Variants in AFF3 observed in about 807,000 individuals in gnomAD.
AFF3 encodes ALF transcription elongation factor 3.
Under a neutral mutation model 129.7 loss-of-function variants are expected in AFF3, and 32 were observed. The ratio of observed to expected loss-of-function variants is 0.25; its 90% confidence interval spans 0.19 to 0.33. The LOEUF (loss-of-function observed/expected upper bound fraction) is 0.33. AFF3 is among the 10% of genes least tolerant of loss of function. The pLI is 1.00. For missense variants in AFF3, 1,373 were observed against 1,592.0 expected, an observed-to-expected ratio of 0.86 and a Z score of 2.34; for synonymous variants, 644 against 635.4, an observed-to-expected ratio of 1.01 and a Z score of -0.20.
chr2:99,804,551 G>C (rs1247859257), intron 8 of AFF3, among the ~76,000 whole-genome samples: 1 of 152,182 alleles, frequency 6.6e-6, no homozygotes, highest in South Asian at 2.1e-4. Context: ...ACTAAAAGTA[G>C]ATCAACTGTT....
At chr2:99,553,868 A>C (rs1410016145) in intron 24 of AFF3, among the ~76,000 whole-genome samples, 1 of 140,778 alleles carries the variant, frequency 7.1e-6, no homozygotes, top group Non-Finnish European at 1.5e-5. Context: ...GAGCCGAGAT[A>C]GTGCCCATTG....
intron 8 of AFF3, among the ~76,000 whole-genome samples, chr2:99,777,947 CAAAA>C (rs576434643): frequency 3.1e-4 from 15 of 48,338 alleles, no homozygotes; most frequent in Admixed American, 5.9e-4. Context: ...AAAGCAAAAG[CAAAA>C]AAAAAAAAAA....
intron 8 of AFF3, among the ~76,000 whole-genome samples, chr2:99,766,332 TTATG>T (rs1398550712): frequency 6.6e-6 from 1 of 152,238 alleles, no homozygotes; most frequent in African/African-American, 2.4e-5. Context: ...TCTACTAACT[TTATG>T]CAAGTATTTT....
chr2:99,989,088 G>A (rs1680118712), intron 7 of AFF3, among the ~76,000 whole-genome samples: 1 of 152,172 alleles, frequency 6.6e-6, no homozygotes, highest in African/African-American at 2.4e-5. Flanking sequence ...GGAGCCAGGT[G>A]GAAGACTCTC....
At chr2:99,886,343 G>A (rs1576277885) in intron 7 of AFF3, among the ~76,000 whole-genome samples, 1 of 152,184 alleles carries the variant, frequency 6.6e-6, no homozygotes, top group Admixed American at 6.5e-5. Context: ...AAATGGACTG[G>A]CCTTAGCCTG....
At chr2:99,922,952 C>T (rs1180544428) in intron 7 of AFF3, among the ~76,000 whole-genome samples, 2 of 152,146 alleles carry the variant, frequency 1.3e-5, no homozygotes, top group South Asian at 2.1e-4. Context: ...GCTTCTCGAA[C>T]GTAGTATACT....
Position 99,860,030 on chromosome 2 carries a change from T to C in AFF3, c.874-22506A>G, listed in dbSNP as rs892702071. ...AAATGTGATACTTGGGTTAGTCAGG[T>C]ATTTTCCATATAGAAACCACACTCT... On this transcript the variant is annotated intron_variant, in intron 7 of 24. Coordinates refer to ENST00000672756, the MANE Select transcript of AFF3 (RefSeq NM_001386135.1). Among the ~76,000 whole-genome samples, 3 of 152,370 alleles carry C rather than the reference T, an allele frequency of 2.0e-5. No homozygotes were observed. The East Asian group carries it at 5.8e-4, about 29-fold the overall frequency.
chr2:99,923,435 A>G (rs1323537386), intron 7 of AFF3, among the ~76,000 whole-genome samples: 1 of 152,248 alleles, frequency 6.6e-6, no homozygotes, highest in African/African-American at 2.4e-5. Flanking sequence ...CTAAAGAATC[A>G]GCAAGTATTT....
intron 11 of AFF3, among the ~76,000 whole-genome samples, chr2:99,687,978 A>G (rs1202898590): frequency 6.6e-6 from 1 of 152,046 alleles, no homozygotes; most frequent in Non-Finnish European, 1.5e-5. Context: ...GAGTAGCTGG[A>G]ACTACAGGTG....
chr2:99,777,763 C>G (rs549617318), intron 8 of AFF3, among the ~76,000 whole-genome samples: 134 of 151,920 alleles, frequency 8.8e-4, no homozygotes, highest in Non-Finnish European at 4.1e-4. Context: ...CTTGGCCAGG[C>G]AAGCTACCTG....
intron 11 of AFF3, among the ~76,000 whole-genome samples, chr2:99,696,258 G>A (rs1419692670): frequency 6.6e-6 from 1 of 152,016 alleles, no homozygotes; most frequent in Non-Finnish European, 1.5e-5. Flanking sequence ...TTAACATAGA[G>A]CTTCATTCCA....
chr2:100,105,672 T>C lies in AFF3; in HGVS notation c.-144-89A>G, dbSNP rs145023610. 751 of 1,348,472 alleles carry C rather than the reference T, an allele frequency of 5.6e-4. 4 individuals are homozygous for C. The African/African-American group carries it at 9.9e-3, about 18-fold the overall frequency. The allele number at this position is 1,348,472 out of a possible 1,614,324, so 83.5% of individuals were successfully genotyped here. A position where few individuals can be genotyped will look rare whatever the true frequency, so the allele number is the denominator to read the frequency against. On this transcript the variant is annotated intron_variant, in intron 2 of 24. Transcript: ENST00000672756. Reference sequence around the variant, plus strand: ...AAGACAGCTCTTCCCCCTGGCTTACTTTTTTAGACATGCTGAGAAGCGCAT... The same window carrying C: ...AAGACAGCTCTTCCCCCTGGCTTACCTTTTTAGACATGCTGAGAAGCGCAT...
At chr2:99,947,653 T>TAGATAGATAGATAGAC (rs1432410613) in intron 7 of AFF3, among the ~76,000 whole-genome samples, 3 of 123,192 alleles carry the variant, frequency 2.4e-5, no homozygotes, top group Admixed American at 8.4e-5. Context: ...GATAGATAGA[T>TAGATAGATAGATAGAC]AGACAGACAG....
In AFF3 at chr2:99,546,011, T is replaced by C. The variant is rs1674064001; in HGVS notation, c.*5463A>G. 1 of 221,896 alleles carries C rather than the reference T, an allele frequency of 4.5e-6. No individual in the cohort carries two copies. Among genetic ancestry groups the C allele is most frequent in the Non-Finnish European group, 9.0e-6 (1 of 111,010 alleles). 13.7% of individuals were successfully genotyped at this position (221,896 alleles called of 1,614,324 possible). Reference sequence around the variant, plus strand: ...GCTATTTGCCAGGAAGTTGTAATATTGAAAAACTGTGCTCTTCTGAGAATG... The same window carrying C: ...GCTATTTGCCAGGAAGTTGTAATATCGAAAAACTGTGCTCTTCTGAGAATG... On this transcript the variant is annotated 3_prime_UTR_variant, in exon 25 of 25. Coordinates refer to ENST00000672756, the MANE Select transcript of AFF3 (RefSeq NM_001386135.1).
At chr2:99,919,831 A>C (rs756377513) in intron 7 of AFF3, among the ~76,000 whole-genome samples, 6 of 152,084 alleles carry the variant, frequency 3.9e-5, no homozygotes, top group Non-Finnish European at 7.4e-5. Flanking sequence ...AACACTGATG[A>C]AGATTTTTAA....
At chr2:99,961,782 A>G (rs1181149378) in intron 7 of AFF3, among the ~76,000 whole-genome samples, 1 of 152,114 alleles carries the variant, frequency 6.6e-6, no homozygotes, top group African/African-American at 2.4e-5. Flanking sequence ...GCATTTCCCA[A>G]CCCACAGCCT....
chr2:99,563,359 T>A (rs181265172), intron 20 of AFF3, among the ~76,000 whole-genome samples: 1,851 of 151,530 alleles, frequency 0.012, 42 homozygotes, highest in African/African-American at 0.042. Flanking sequence ...CCCGGCTAAT[T>A]TTTTGTATTT....
chr2:99,951,360 G>T (rs1676149357), intron 7 of AFF3, among the ~76,000 whole-genome samples: 1 of 151,932 alleles, frequency 6.6e-6, no homozygotes, highest in Non-Finnish European at 1.5e-5. Flanking sequence ...GCCTAACCCT[G>T]CCAAATGCTC....
In AFF3 at chr2:99,640,440, TA is replaced by T; in HGVS notation, c.1184+9185del. Among the ~76,000 whole-genome samples the T allele has an allele frequency of 1.3e-5, 2 of 152,192 alleles. 1 individual carries two copies. Among genetic ancestry groups the T allele is most frequent in the South Asian group, 4.1e-4 (2 of 4,822 alleles). ...ACCTCTTTTAATCTGTACATAAACC[TA>T]ACAAGGAGGGCATTAGTAGCATCCT... On this transcript the variant is annotated intron_variant, in intron 13 of 24. Transcript: ENST00000672756.
Sources: allele counts gnomAD v4.1 joint callset (sites outside exome capture counted in the v4.1 genomes callset), GRCh38; gene constraint gnomAD v4.1.1; transcripts MANE v1.5; gene names NCBI Gene and HGNC (gene_info 2026-07-23, HGNC 2026-07-21).